Variants in ROBO1 observed in about 807,000 individuals in gnomAD.
The protein encoded by ROBO1 is roundabout guidance receptor 1.
ROBO1 carries 149 observed loss-of-function variants against 195.9 expected under a neutral mutation model. The ratio of observed to expected loss-of-function variants is 0.76; its 90% confidence interval spans 0.67 to 0.87. ROBO1 has a LOEUF of 0.87. Ranked by LOEUF, ROBO1 falls within the 40% of genes least tolerant of loss-of-function variation. The pLI is 0.00. For missense variants in ROBO1, 1,933 were observed against 2,068.3 expected (o/e 0.93, Z 1.27); for synonymous variants, 816 against 733.2 (o/e 1.11, Z -1.82).
At chr3:78,631,338 T>C in intron 24 of ROBO1, 33 bp from the exon 25 acceptor site, 2 of 1,592,308 alleles carry the variant, frequency 1.3e-6, no homozygotes, top group South Asian at 2.3e-5. Context: ...GCCATTGATC[T>C]CTGGCCTTTA....
chr3:79,658,511 CATT>C, intron 1 of ROBO1, among the ~76,000 whole-genome samples: 1 of 152,154 alleles, frequency 6.6e-6, no homozygotes, highest in Non-Finnish European at 1.5e-5. Context: ...CTTCACTTAA[CATT>C]AATGTGTTAA....
chr3:78,911,795 A>G (rs2038258126), intron 4 of ROBO1, among the ~76,000 whole-genome samples: 1 of 152,094 alleles, frequency 6.6e-6, no homozygotes, highest in Admixed American at 6.6e-5. Flanking sequence ...CAATATACAC[A>G]GAATCTAACA....
rs1281257746 is a variant in ROBO1, at chr3:79,240,397, T to C, written c.89-114858A>G. Among the ~76,000 whole-genome samples the C allele has an allele frequency of 3.9e-5, 6 of 152,186 alleles. No homozygotes were observed. The East Asian group carries it at 9.7e-4, about 24-fold the overall frequency. ...TATGAACAGTTATTAACATATTTAA[T>C]AAACACAAACACAGGATTGTGTTTT... On this transcript the variant is annotated intron_variant, in intron 2 of 30. Transcript: ENST00000464233.
chr3:78,771,576 A>AGTG (rs1389103144), intron 4 of ROBO1, among the ~76,000 whole-genome samples: 1 of 151,984 alleles, frequency 6.6e-6, no homozygotes, highest in Non-Finnish European at 1.5e-5. Context: ...TTCTTTCAGT[A>AGTG]GTGTTTTTTG....
chr3:79,412,874 ATTTT>A (rs1167482550), intron 2 of ROBO1, among the ~76,000 whole-genome samples: 12 of 38,338 alleles, frequency 3.1e-4, no homozygotes, highest in African/African-American at 1.2e-3. Flanking sequence ...TCATGAGCTG[ATTTT>A]TTTTTTTTTT....
At chr3:79,160,815 A>G (rs1048231569) in intron 2 of ROBO1, among the ~76,000 whole-genome samples, 22 of 152,190 alleles carry the variant, frequency 1.4e-4, no homozygotes, top group African/African-American at 5.3e-4. Flanking sequence ...CAGTAACAAC[A>G]AAATTTCTAA....
intron 23 of ROBO1, among the ~76,000 whole-genome samples, chr3:78,634,749 T>C (rs2107525933): frequency 6.6e-6 from 1 of 152,340 alleles, no homozygotes; most frequent in Non-Finnish European, 1.5e-5. Flanking sequence ...TCTCGATCCA[T>C]ATTTATTAAA....
At chr3:79,172,261 C>T (rs1466468030) in intron 2 of ROBO1, among the ~76,000 whole-genome samples, 1 of 152,076 alleles carries the variant, frequency 6.6e-6, no homozygotes, top group African/African-American at 2.4e-5. Context: ...TGTGTTTTAG[C>T]CAGTTGGGTC....
chr3:79,753,036 G>A (rs1050091054), intron 1 of ROBO1, among the ~76,000 whole-genome samples: 1 of 151,900 alleles, frequency 6.6e-6, no homozygotes, highest in African/African-American at 2.4e-5. Context: ...TGGGAATGAG[G>A]GCAGACAAAT....
chr3:78,921,821 G>A (rs979806555), intron 4 of ROBO1, among the ~76,000 whole-genome samples: 5 of 147,586 alleles, frequency 3.4e-5, no homozygotes, highest in Non-Finnish European at 7.4e-5. Context: ...ACAGAATCTT[G>A]CTCTGTCCAG....
At chr3:79,711,659 C>CAT (rs1256711047) in intron 1 of ROBO1, among the ~76,000 whole-genome samples, 1 of 151,492 alleles carries the variant, frequency 6.6e-6, no homozygotes, top group Admixed American at 6.6e-5. Flanking sequence ...CACATACACA[C>CAT]ATACACACAC....
At chr3:78,758,885 AG>A (rs1426647825) in intron 4 of ROBO1, 1 of 152,210 alleles carries the variant, frequency 6.6e-6, no homozygotes, top group Non-Finnish European at 1.5e-5. Context: ...ATTGCCTGTG[AG>A]GCAATGGGAA....
chr3:79,759,164 A>G (rs930815619), intron 1 of ROBO1, among the ~76,000 whole-genome samples: 4 of 152,246 alleles, frequency 2.6e-5, no homozygotes. Flanking sequence ...GTAAATTCTT[A>G]CAGAATACTT....
chr3:79,117,560 C>T (rs917153405), intron 3 of ROBO1, among the ~76,000 whole-genome samples: 4 of 152,072 alleles, frequency 2.6e-5, no homozygotes, highest in African/African-American at 9.7e-5. Context: ...GAAGAAACTT[C>T]CATTTCTTTG....
chr3:78,950,275 C>T (rs556349004), intron 3 of ROBO1, among the ~76,000 whole-genome samples: 6 of 151,692 alleles, frequency 4.0e-5, no homozygotes, highest in East Asian at 1.9e-4. Context: ...TGTCCAACAA[C>T]GATAGACTGG....
intron 2 of ROBO1, among the ~76,000 whole-genome samples, chr3:79,484,753 A>ATTTTTTTTTTTTTTTTTTTTTTTTTTTTT (rs1402757273): frequency 5.7e-5 from 1 of 17,696 alleles, no homozygotes; most frequent in East Asian, 1.1e-3. Context: ...TCATTGCACT[A>ATTTTTTTTTTTTTTTTTTTTTTTTTTTTT]TCTTTTTTTT....
At chr3:79,658,718 A>G (rs1946242119) in intron 1 of ROBO1, among the ~76,000 whole-genome samples, 1 of 151,846 alleles carries the variant, frequency 6.6e-6, no homozygotes, top group Non-Finnish European at 1.5e-5. Context: ...ACCATTCATC[A>G]TTTCTTTGTA....
At chr3:79,195,647 C>G (rs898384952) in intron 2 of ROBO1, among the ~76,000 whole-genome samples, 11 of 151,492 alleles carry the variant, frequency 7.3e-5, no homozygotes, top group Middle Eastern at 3.4e-3. Flanking sequence ...GTATTGATAA[C>G]AAAATATAAA....
At position 79,049,970 on chromosome 3, in the gene ROBO1, G is replaced by T. The variant is rs570918952; in HGVS notation, c.172+75486C>A. Among the ~76,000 whole-genome samples, 5 of 152,264 alleles carry T rather than the reference G, an allele frequency of 3.3e-5. No individual in the cohort carries two copies. In the South Asian group the frequency reaches 1.0e-3, roughly 32 times the overall value. On this transcript the variant is annotated intron_variant, in intron 3 of 30. Coordinates refer to ENST00000464233, the MANE Select transcript of ROBO1 (RefSeq NM_002941.4). ...AAATTGTCAAGACCATTGACGCTAT[G>T]AATAAACTGCATCAATTAATGGGCA...
Sources: allele counts gnomAD v4.1 joint callset (sites outside exome capture counted in the v4.1 genomes callset), GRCh38; gene constraint gnomAD v4.1.1; transcripts MANE v1.5; gene names NCBI Gene and HGNC (gene_info 2026-07-23, HGNC 2026-07-21).